Variants in BPTF observed in about 807,000 individuals in gnomAD.
BPTF encodes nucleosome-remodeling factor subunit BPTF.
Under a neutral mutation model 292.5 loss-of-function variants are expected in BPTF, and 18 were observed. The observed-to-expected ratio is 0.06, with a 90% CI of 0.04 to 0.09. BPTF has a LOEUF of 0.09. BPTF is among the 10% of genes least tolerant of loss of function. The pLI is 1.00. For synonymous variants in BPTF, 1,225 were observed against 1,251.9 expected (o/e 0.98, Z 0.45); for missense variants, 2,726 against 3,498.7 (o/e 0.78, Z 5.57).
intron 14 of BPTF, among the ~76,000 whole-genome samples, 163 bp from the exon 15 acceptor site, chr17:67,924,384 G>C (rs1175148085): frequency 1.3e-5 from 2 of 152,170 alleles, no homozygotes; most frequent in African/African-American, 2.4e-5. Flanking sequence ...CACAGTGCTG[G>C]GATTACAGGC....
intron 18 of BPTF, among the ~76,000 whole-genome samples, chr17:67,933,165 G>A (rs573098689): frequency 6.6e-6 from 1 of 151,998 alleles, no homozygotes; most frequent in South Asian, 2.1e-4. Flanking sequence ...GGCTGAGGCA[G>A]GAGAGTCGCT....
intron 9 of BPTF, among the ~76,000 whole-genome samples, chr17:67,909,277 C>T (rs867847688): frequency 2.3e-5 from 2 of 88,538 alleles, no homozygotes; most frequent in Non-Finnish European, 2.5e-5. Flanking sequence ...GTCCCCCCCC[C>T]CCTTTTTTTT....
At chr17:67,864,159 T>C (rs1465701460) in intron 2 of BPTF, among the ~76,000 whole-genome samples, 2 of 152,162 alleles carry the variant, frequency 1.3e-5, no homozygotes, top group Non-Finnish European at 2.9e-5. Flanking sequence ...GGAAAGCTGT[T>C]GTCACTTTTA....
intron 13 of BPTF, among the ~76,000 whole-genome samples, chr17:67,921,969 T>TA (rs1211114389): frequency 2.7e-5 from 4 of 149,544 alleles, no homozygotes; most frequent in African/African-American, 4.9e-5. Flanking sequence ...ATGGGGGTGT[T>TA]GCAGTGAGCC....
intron 23 of BPTF, among the ~76,000 whole-genome samples, chr17:67,953,446 T>G (rs528290188): frequency 4.1e-5 from 6 of 147,834 alleles, no homozygotes; most frequent in Non-Finnish European, 5.9e-5. Flanking sequence ...TTTGAAGAGA[T>G]AGGGTTTTGC....
chr17:67,900,971 AT>A (rs1943244406), intron 7 of BPTF, among the ~76,000 whole-genome samples: 1 of 151,994 alleles, frequency 6.6e-6, no homozygotes, highest in African/African-American at 2.4e-5. Flanking sequence ...GTGAGCTATG[AT>A]TGCGCCACTG....
chr17:67,903,581 A>G (rs145864467), intron 7 of BPTF, among the ~76,000 whole-genome samples: 204 of 152,322 alleles, frequency 1.3e-3, no homozygotes, highest in East Asian at 5.6e-3. Flanking sequence ...TGGAAAGGAT[A>G]TAGTATTTCT....
rs561780820 is a variant in BPTF at position 67,980,173 on chromosome 17, C to T, written c.8727-2079C>T. ...CAGCCTGGCCAACATGGTAAAACCT[C>T]GTCTCTACTAAAAATACAAAAATTA... On this transcript the variant is annotated intron_variant, in intron 27 of 27. Coordinates refer to ENST00000306378, the MANE Select transcript of BPTF (RefSeq NM_182641.4). Among the ~76,000 whole-genome samples, 4 of 152,190 alleles carry T rather than the reference C, an allele frequency of 2.6e-5. No individual in the cohort carries two copies. In the East Asian group the frequency reaches 7.7e-4, roughly 29 times the overall value.
At chr17:67,930,894 A>G (rs1486234512) in intron 17 of BPTF, among the ~76,000 whole-genome samples, 2 of 152,022 alleles carry the variant, frequency 1.3e-5, no homozygotes, top group African/African-American at 4.8e-5. Flanking sequence ...GGCAGAGGCC[A>G]CAGTGAGCTG....
chr17:67,961,026 T>C (rs1162394116), intron 24 of BPTF, among the ~76,000 whole-genome samples: 1 of 152,246 alleles, frequency 6.6e-6, no homozygotes, highest in Non-Finnish European at 1.5e-5. Flanking sequence ...TTTAGTTTAA[T>C]ACAAGTGTGC....
At chr17:67,890,230 C>A (rs2146223345) in intron 4 of BPTF, among the ~76,000 whole-genome samples, 1 of 152,244 alleles carries the variant, frequency 6.6e-6, no homozygotes, top group African/African-American at 2.4e-5. Flanking sequence ...TATTGACATA[C>A]ACTATTGAGA....
chr17:67,978,310 T>A (rs1394262812), intron 27 of BPTF, among the ~76,000 whole-genome samples: 4 of 149,086 alleles, frequency 2.7e-5, no homozygotes, highest in African/African-American at 9.8e-5. Flanking sequence ...ATATATATAT[T>A]TTTTTTGAGA....
intron 13 of BPTF, among the ~76,000 whole-genome samples, chr17:67,922,617 C>T (rs1383910535): frequency 6.6e-6 from 1 of 152,064 alleles, no homozygotes; most frequent in Admixed American, 6.6e-5. Context: ...CTTGGCCTAC[C>T]CTGCTTTTAT....
chr17:67,862,041 C>T (rs1382213784), intron 2 of BPTF, among the ~76,000 whole-genome samples: 2 of 152,130 alleles, frequency 1.3e-5, no homozygotes, highest in African/African-American at 2.4e-5. Context: ...AGTGGCACAA[C>T]CTTGCTTCAC....
At chr17:67,967,491 G>T (rs1194669033) in intron 26 of BPTF, among the ~76,000 whole-genome samples, 1 of 151,972 alleles carries the variant, frequency 6.6e-6, no homozygotes, top group Non-Finnish European at 1.5e-5. Context: ...GGATTTACAT[G>T]TGCACAAGTA....
At chr17:67,950,854 A>AT (rs1471169499) in intron 23 of BPTF, 1 of 151,282 alleles carries the variant, frequency 6.6e-6, no homozygotes, top group Non-Finnish European at 1.5e-5. Context: ...AAAAAAAAAA[A>AT]TTCAGTAACG....
At chr17:67,969,999 C>G (rs1481102276) in intron 26 of BPTF, among the ~76,000 whole-genome samples, 1 of 151,904 alleles carries the variant, frequency 6.6e-6, no homozygotes, top group Non-Finnish European at 1.5e-5. Flanking sequence ...TTTGGGAGGC[C>G]GAGGCAGGCA....
intron 1 of BPTF, among the ~76,000 whole-genome samples, chr17:67,843,175 T>C (rs1006159429): frequency 7.6e-6 from 1 of 130,830 alleles, no homozygotes; most frequent in South Asian, 2.8e-4. Flanking sequence ...TATAGATACA[T>C]ATAGATATCT....
intron 23 of BPTF, among the ~76,000 whole-genome samples, chr17:67,950,447 G>A (rs2148049836): frequency 6.6e-6 from 1 of 152,142 alleles, no homozygotes; most frequent in South Asian, 2.1e-4. Flanking sequence ...GTTAAGCCAA[G>A]CAAAAGAAAC....
Sources: gnomAD v4.1 joint callset for allele counts (sites outside exome capture counted in the v4.1 genomes callset) on GRCh38, gnomAD v4.1.1 for gene constraint, MANE v1.5 for transcripts, NCBI Gene and HGNC (gene_info 2026-07-23, HGNC 2026-07-21) for gene names.